CREG1: variants seen among roughly 807,000 people sequenced by gnomAD.
CREG1 encodes the protein cellular repressor of E1A stimulated genes 1, also known as protein CREG1.
Under a neutral mutation model 19.9 loss-of-function variants are expected in CREG1, and 20 were observed. The ratio of observed to expected loss-of-function variants is 1.01; its 90% CI spans 0.71 to 1.46. The LOEUF is 1.46. CREG1 is among the 40% of genes most tolerant of loss of function. CREG1 has a pLI of 0.00. For missense variants in CREG1, 290 were observed against 314.9 expected (o/e 0.92, Z 0.60); for synonymous variants, 141 against 143.3 (o/e 0.98, Z 0.12).
intron 1 of CREG1, 38 bp from the exon 2 acceptor site, chr1:167,548,159 T>C (rs560351191): frequency 5.2e-5 from 81 of 1,561,778 alleles, no homozygotes; most frequent in Non-Finnish European, 6.9e-5. Context: ...ATGTGAAATA[T>C]GGTTTCTGGA....
chr1:167,546,022 G>T, intron 3 of CREG1, 79 bp downstream of exon 3: 1 of 1,297,382 alleles, frequency 7.7e-7, no homozygotes, highest in Non-Finnish European at 1.0e-6. Flanking sequence ...ACATGAAACG[G>T]TTAAACCCCC....
Position 167,553,605 on chromosome 1 carries a change from A to T in CREG1, c.137T>A (p.Leu46Gln). Residue 46 changes from leucine to glutamine, a missense_variant, in exon 1 of 4, where the codon CTG becomes CAG. Physicochemically the swap from Leu to Gln is moderately radical, Grantham distance 113. Coordinates refer to ENST00000370509, the MANE Select transcript of CREG1 (RefSeq NM_003851.3). ...GTCCTCGCGGGGTGGTAGCGGCGGC[A>T]GCCGGGAGGCCTCGTCCCAGTCCCC... ...DHGDWDEASR[L>Q]PPLPPREDAA... is the part of the protein sequence containing the mutation. 1 of 1,412,444 alleles carries T rather than the reference A, an allele frequency of 7.1e-7. No individual in the cohort carries two copies. The highest frequency in any genetic ancestry group is 9.2e-7 in the Non-Finnish European group (1 of 1,087,994). The allele number at this position is 1,412,444 out of a possible 1,614,324, so 87.5% of individuals were successfully genotyped here.
intron 3 of CREG1, among the ~76,000 whole-genome samples, chr1:167,544,413 G>C (rs1263181110): frequency 3.3e-5 from 5 of 152,048 alleles, no homozygotes; most frequent in African/African-American, 1.2e-4. Context: ...AAAAGACAGA[G>C]ATTAAATAAA....
intron 2 of CREG1, among the ~76,000 whole-genome samples, chr1:167,546,887 G>A (rs892343906): frequency 3.9e-5 from 6 of 152,228 alleles, no homozygotes; most frequent in African/African-American, 7.2e-5. Flanking sequence ...ACTAAGTACT[G>A]TAACATTACT....
At chr1:167,547,463 C>G (rs546852623) in intron 2 of CREG1, among the ~76,000 whole-genome samples, 1 of 152,160 alleles carries the variant, frequency 6.6e-6, no homozygotes, top group Non-Finnish European at 1.5e-5. Flanking sequence ...GTTGTTACAT[C>G]TGCTTGGCTT....
Position 167,541,240 on chromosome 1 carries a change from A to T in CREG1, c.*1058T>A, listed in dbSNP as rs1404144650. 1.3e-5 allele frequency: 2 copies of T among 152,230 alleles called. No individual in the cohort carries two copies. The highest frequency in any genetic ancestry group is 2.4e-5 in the African/African-American group (1 of 41,448). 9.4% of individuals were successfully genotyped at this position (152,230 alleles called of 1,614,324 possible). ...AGAGGAATCTTATGTCATCTTCTGA[A>T]ATCATGTATATGGGTAATAATATTA... On this transcript the variant is annotated 3_prime_UTR_variant, in exon 4 of 4. Coordinates refer to ENST00000370509, the MANE Select transcript of CREG1 (RefSeq NM_003851.3).
At chr1:167,548,592 T>C (rs78452229) in intron 1 of CREG1, among the ~76,000 whole-genome samples, 5,483 of 152,322 alleles carry the variant, frequency 0.036, 122 homozygotes, top group Non-Finnish European at 0.054. Flanking sequence ...GCAGAAACTG[T>C]CATGTGATTT....
chr1:167,542,861 C>T (rs12048110), intron 3 of CREG1, among the ~76,000 whole-genome samples: 45,051 of 152,022 alleles, frequency 0.3, 6,865 homozygotes, highest in Middle Eastern at 0.38. Flanking sequence ...AGGAAATATC[C>T]GGATGTGCGC....
In CREG1 at chr1:167,553,726, G is replaced by C; in HGVS notation, c.16C>G (p.Arg6Gly). Residue 6 changes from arginine to glycine, a missense_variant, in exon 1 of 4, where the codon CGC becomes GGC. Transcript: ENST00000370509. MAGLS[R>G]GSARALLAAL... ...GCGAGCAGTGCGCGCGCGGACCCGCGGGATAGCCCGGCCATGGCGGTGTCT... is the reference window on the plus strand; with the variant it reads ...GCGAGCAGTGCGCGCGCGGACCCGCCGGATAGCCCGGCCATGGCGGTGTCT... The C allele has an allele frequency of 7.8e-7, 1 of 1,286,800 alleles. No homozygotes were observed. Among genetic ancestry groups the C allele is most frequent in the Non-Finnish European group, 9.8e-7 (1 of 1,020,876 alleles). The allele number at this position is 1,286,800 out of a possible 1,614,324, so 79.7% of individuals were successfully genotyped here. A position where few individuals can be genotyped will look rare whatever the true frequency, so the allele number is the denominator to read the frequency against.
intron 3 of CREG1, among the ~76,000 whole-genome samples, chr1:167,543,777 C>T (rs1321350982): frequency 6.6e-6 from 1 of 152,198 alleles, no homozygotes; most frequent in Non-Finnish European, 1.5e-5. Flanking sequence ...AGAAGAGTCA[C>T]ATCTGCTCTA....
rs753556329 is a variant in CREG1 at position 167,546,286 on chromosome 1, C to A, written c.475-1G>T. The A allele has an allele frequency of 6.4e-7, 1 of 1,568,728 alleles. No homozygotes were observed. The highest frequency in any genetic ancestry group is 1.8e-5 in the Admixed American group (1 of 54,568). ...CAATATCCATTTCTGTTTCATTCAC[C>A]TAAAGGACATATATGAAATAAACAT... On this transcript the variant is annotated splice_acceptor_variant, in intron 2 of 3. Transcript: ENST00000370509. LOFTEE classifies it high-confidence loss of function.
Position 167,548,013 on chromosome 1 carries a change from T to G in CREG1, c.463A>C (p.Thr155Pro). Residue 155 changes from threonine (T) to proline (P), a missense_variant, in exon 2 of 4, where the codon ACT (threonine) becomes CCT (proline). Thr to Pro is a conservative substitution (Grantham distance 38). Transcript: ENST00000370509. ...GGATAACTACTTACCTTGGTCACAG[T>G]TCCTGACAGCATTATGTGAACACAA... is the stretch of plus-strand genomic sequence containing the variant. ...PLCVHIMLSG[T>P]VTKVNETEMD... 2 of 1,613,008 alleles carry G rather than the reference T, an allele frequency of 1.2e-6. No individual in the cohort carries two copies. The highest frequency in any genetic ancestry group is 8.5e-7 in the Non-Finnish European group (1 of 1,178,982).
Position 167,553,476 on chromosome 1 carries a change from A to G in CREG1, c.266T>C (p.Leu89Pro). 1 of 1,486,638 alleles carries G rather than the reference A, an allele frequency of 6.7e-7. No individual in the cohort carries two copies. Among genetic ancestry groups the G allele is most frequent in the African/African-American group, 1.5e-5 (1 of 68,730 alleles). 92.1% of individuals were successfully genotyped at this position (1,486,638 alleles called of 1,614,324 possible). The stretch of plus-strand genomic sequence containing the variant: ...GCCCGGGGGCCCGTCGCTGAGCGAG[A>G]GGACGTCGGCGAAGGGCCGGCCGCG... ...AVRGRPFADV[L>P]SLSDGPPGAG... The change falls in exon 1 of 4, where the codon CTC becomes CCC. Residue 89 changes from leucine (L) to proline (P), a missense_variant. Leu to Pro is a moderately conservative substitution (Grantham distance 98). Transcript: ENST00000370509.
intron 1 of CREG1, among the ~76,000 whole-genome samples, chr1:167,551,869 G>T (rs1656428479): frequency 6.6e-6 from 1 of 152,180 alleles, no homozygotes; most frequent in Admixed American, 6.5e-5. Context: ...AGAAAATGGT[G>T]AACTGGGGTG....
Position 167,553,379 on chromosome 1 carries a change from C to T in CREG1, c.354+9G>A. ...AGCCCGCCTGGGGAAGCCGCGGGCCCCAGCTCACCTGCAGGTTGCTCACGG... is the reference window on the plus strand; with the variant it reads ...AGCCCGCCTGGGGAAGCCGCGGGCCTCAGCTCACCTGCAGGTTGCTCACGG... On this transcript the variant is annotated intron_variant, in intron 1 of 3. Transcript: ENST00000370509. The T allele has an allele frequency of 7.2e-7, 1 of 1,379,980 alleles. No individual in the cohort carries two copies. Among genetic ancestry groups the T allele is most frequent in the Non-Finnish European group, 9.4e-7 (1 of 1,067,692 alleles). The allele number at this position is 1,379,980 out of a possible 1,614,324, so 85.5% of individuals were successfully genotyped here.
Position 167,553,702 on chromosome 1 carries a change from C to T in CREG1, c.40G>A (p.Ala14Thr). ...AACAGCGTCGACGCCAGCAGGGCGG[C>T]GAGCAGTGCGCGCGCGGACCCGCGG... ...LSRGSARALL[A>T]ALLASTLLAL... is the part of the protein sequence containing the mutation. Residue 14 changes from alanine (A) to threonine (T), a missense_variant, in exon 1 of 4, where the codon GCC becomes ACC. Coordinates refer to ENST00000370509, the MANE Select transcript of CREG1 (RefSeq NM_003851.3). 1.5e-6 allele frequency: 2 copies of T among 1,307,410 alleles called. No individual in the cohort carries two copies. Among genetic ancestry groups the T allele is most frequent in the Non-Finnish European group, 9.7e-7 (1 of 1,034,260 alleles). The allele number at this position is 1,307,410 out of a possible 1,614,324, so 81.0% of individuals were successfully genotyped here. A position where few individuals can be genotyped will look rare whatever the true frequency, so the allele number is the denominator to read the frequency against.
In CREG1 at chr1:167,548,129, G is replaced by A. The variant is rs200702293; in HGVS notation, c.355-8C>T. On this transcript the variant is annotated splice_polypyrimidine_tract_variant and splice_region_variant and intron_variant, in intron 1 of 3. Transcript: ENST00000370509. Reference sequence around the variant, plus strand: ...TGTAGCATATGGATTCTCCTATAGAGAGAAAATGAAGATCCTCTCATGTGA... The same window carrying A: ...TGTAGCATATGGATTCTCCTATAGAAAGAAAATGAAGATCCTCTCATGTGA... 7.0e-6 allele frequency: 11 copies of A among 1,581,424 alleles called. No individual in the cohort carries two copies. The highest frequency in any genetic ancestry group is 9.5e-6 in the Non-Finnish European group (11 of 1,154,832).
chr1:167,542,763 C>T (rs552214177), intron 3 of CREG1, among the ~76,000 whole-genome samples: 2 of 152,338 alleles, frequency 1.3e-5, no homozygotes, highest in South Asian at 4.1e-4. Context: ...TTCCCCCTTT[C>T]TGCTGCCACC....
In CREG1 at chr1:167,546,091, A is replaced by T. The variant is rs777278355; in HGVS notation, c.659+10T>A. The T allele has an allele frequency of 3.8e-6, 6 of 1,583,338 alleles. No individual in the cohort carries two copies. The East Asian group carries it at 1.4e-4, about 36-fold the overall frequency. On this transcript the variant is annotated intron_variant, in intron 3 of 3. Coordinates refer to ENST00000370509, the MANE Select transcript of CREG1 (RefSeq NM_003851.3). ...CGGCAATCTTAGGTGAAAGATGTGTAAGTACTTACTGAACTGTGACATTAT... is the reference window on the plus strand; with the variant it reads ...CGGCAATCTTAGGTGAAAGATGTGTTAGTACTTACTGAACTGTGACATTAT...
Sources: allele counts gnomAD v4.1 joint callset (sites outside exome capture counted in the v4.1 genomes callset), GRCh38; gene constraint gnomAD v4.1.1; transcripts MANE v1.5; gene names NCBI Gene and HGNC (gene_info 2026-07-23, HGNC 2026-07-21).